Variants in FHL5 observed in about 807,000 individuals in gnomAD.
The protein encoded by FHL5 is four and a half LIM domains protein 5.
In FHL5, 33 loss-of-function variants were observed where a neutral mutation model predicts 32.0. The ratio of observed to expected loss-of-function variants is 1.03; its 90% CI spans 0.78 to 1.38. The LOEUF (loss-of-function observed/expected upper bound fraction) is 1.38, where lower values mean the gene tolerates loss of function less well. FHL5 is among the 40% of genes most tolerant of loss of function. FHL5 has a pLI of 0.00. For missense variants in FHL5, 336 were observed against 343.9 expected (o/e 0.98, Z 0.18); for synonymous variants, 114 against 113.6 (o/e 1.00, Z -0.02).
intron 4 of FHL5, among the ~76,000 whole-genome samples, chr6:96,609,713 C>T (rs1218586395): frequency 6.6e-6 from 1 of 152,168 alleles, no homozygotes; most frequent in African/African-American, 2.4e-5. Flanking sequence ...ATTCATTCAA[C>T]AAGGATTTTC....
At chr6:96,606,192 T>C in intron 4 of FHL5, 121 bp downstream of exon 4, 1 of 772,402 alleles carries the variant, frequency 1.3e-6, no homozygotes, top group East Asian at 2.8e-5. Flanking sequence ...CCCATGGTAG[T>C]TTGGACTTTC....
intron 5 of FHL5, among the ~76,000 whole-genome samples, chr6:96,614,270 T>C (rs1371341290): frequency 1.3e-5 from 2 of 152,246 alleles, no homozygotes; most frequent in Non-Finnish European, 2.9e-5. Flanking sequence ...GCATAATTTA[T>C]GTATATACAG....
chr6:96,587,147 T>A (rs1034502745), intron 1 of FHL5, among the ~76,000 whole-genome samples: 3 of 152,186 alleles, frequency 2.0e-5, no homozygotes, highest in Admixed American at 6.5e-5. Flanking sequence ...ATTATCAGAG[T>A]GTTTGGAGAA....
At chr6:96,580,374 A>G (rs1562054304) in intron 1 of FHL5, among the ~76,000 whole-genome samples, 1 of 152,192 alleles carries the variant, frequency 6.6e-6, no homozygotes, top group Non-Finnish European at 1.5e-5. Context: ...TGAGTTTACA[A>G]TTCAGTTAGA....
intron 1 of FHL5, among the ~76,000 whole-genome samples, chr6:96,568,715 A>T (rs1392028518): frequency 6.6e-6 from 1 of 151,782 alleles, no homozygotes; most frequent in African/African-American, 2.4e-5. Context: ...CCAGGAATTT[A>T]CCTATTTCTG....
At chr6:96,614,785 C>T (rs536525513) in intron 5 of FHL5, among the ~76,000 whole-genome samples, 22 of 152,324 alleles carry the variant, frequency 1.4e-4, no homozygotes, top group African/African-American at 5.1e-4. Flanking sequence ...ACCCTGGAAT[C>T]ACATTAAGGA....
rs1168636713 is a variant in FHL5 at position 96,602,426 on chromosome 6, CTTTTTTTTTTTTTTTTT to C, written c.-12-1154_-12-1138del. 3.4e-3 allele frequency among the ~76,000 whole-genome samples: 115 copies of C among 33,680 alleles called. 1 individual carries two copies. Among genetic ancestry groups the C allele is most frequent in the African/African-American group, 6.4e-3 (77 of 12,034 alleles). The allele number at this position is 33,680 out of a possible 152,430, so 22.1% of individuals were successfully genotyped here. ...ACCTGGAAATCTATATGCGTTGTTT[CTTTTTTTTTTTTTTTTT>C]TTTTTTTTTTTTTTTTTTTTTGAGA... On this transcript the variant is annotated intron_variant, in intron 1 of 5. Coordinates refer to ENST00000450218, the MANE Select transcript of FHL5 (RefSeq NM_001322466.2).
chr6:96,602,173 AT>A (rs1771161773), intron 1 of FHL5, among the ~76,000 whole-genome samples: 1 of 152,160 alleles, frequency 6.6e-6, no homozygotes, highest in South Asian at 2.1e-4. Context: ...AAGAGTTCAA[AT>A]GTAGTCAGTA....
intron 1 of FHL5, among the ~76,000 whole-genome samples, chr6:96,567,844 T>C (rs4839846): frequency 1.4e-5 from 2 of 142,810 alleles, no homozygotes; most frequent in African/African-American, 5.1e-5. Context: ...TTTTTTTTTG[T>C]ATCCTCCAAC....
intron 3 of FHL5, 140 bp downstream of exon 3, chr6:96,605,064 G>T: frequency 1.9e-6 from 1 of 517,156 alleles, no homozygotes; most frequent in South Asian, 4.1e-5. Flanking sequence ...CTTCTTCCGT[G>T]TACTTTAGAA....
intron 1 of FHL5, among the ~76,000 whole-genome samples, chr6:96,584,432 GAT>G (rs1491556857): frequency 2.9e-5 from 4 of 137,258 alleles, no homozygotes; most frequent in Non-Finnish European, 6.3e-5. Context: ...GCACAGGTGG[GAT>G]ATGTGTGTGT....
At chr6:96,579,981 C>T (rs1770665887) in intron 1 of FHL5, among the ~76,000 whole-genome samples, 1 of 152,168 alleles carries the variant, frequency 6.6e-6, no homozygotes, top group Admixed American at 6.5e-5. Flanking sequence ...AAGAGACATC[C>T]ACCAGTAAAA....
chr6:96,605,038 TTCTTACTC>T, intron 3 of FHL5, 114 bp downstream of exon 3: 1 of 630,172 alleles, frequency 1.6e-6, no homozygotes. Context: ...AAAGATATCT[TTCTTACTC>T]TCTCAATCTT....
chr6:96,573,357 C>T (rs1342522834), intron 1 of FHL5, among the ~76,000 whole-genome samples: 2 of 151,868 alleles, frequency 1.3e-5, no homozygotes, highest in Non-Finnish European at 2.9e-5. Context: ...TCAACACTTC[C>T]TTAGATTCAT....
At chr6:96,611,873 G>T (rs899216655) in intron 5 of FHL5, among the ~76,000 whole-genome samples, 8 of 152,170 alleles carry the variant, frequency 5.3e-5, no homozygotes, top group African/African-American at 1.9e-4. Flanking sequence ...TCTCACACTG[G>T]CTCACGGGCT....
intron 1 of FHL5, among the ~76,000 whole-genome samples, chr6:96,603,052 G>A (rs767963538): frequency 2.0e-5 from 3 of 152,214 alleles, no homozygotes; most frequent in Non-Finnish European, 4.4e-5. Context: ...TGTAGTACAC[G>A]AAGACCTCAG....
At chr6:96,584,447 G>GTGTGTGTGTGTT (rs1419929825) in intron 1 of FHL5, among the ~76,000 whole-genome samples, 6 of 147,944 alleles carry the variant, frequency 4.1e-5, no homozygotes, top group African/African-American at 1.6e-4. Context: ...GTGTGTGTGT[G>GTGTGTGTGTGTT]TGTGTGTGTG....
chr6:96,613,292 C>G (rs1771451541), intron 5 of FHL5, among the ~76,000 whole-genome samples: 1 of 152,112 alleles, frequency 6.6e-6, no homozygotes, highest in African/African-American at 2.4e-5. Flanking sequence ...CCATAAATCA[C>G]CAAGTGTAAT....
At chr6:96,563,602 C>A (rs1770292688) in intron 1 of FHL5, among the ~76,000 whole-genome samples, 1 of 151,962 alleles carries the variant, frequency 6.6e-6, no homozygotes, top group South Asian at 2.1e-4. Flanking sequence ...AACATAGGGG[C>A]CAGATAACTC....
Sources: allele counts gnomAD v4.1 joint callset (sites outside exome capture counted in the v4.1 genomes callset), GRCh38; gene constraint gnomAD v4.1.1; transcripts MANE v1.5; gene names NCBI Gene and HGNC (gene_info 2026-07-23, HGNC 2026-07-21).